Variants in THSD4 observed in about 807,000 individuals in gnomAD.
THSD4 encodes the protein thrombospondin type-1 domain-containing protein 4.
A neutral mutation model predicts 119.0 loss-of-function variants in THSD4; 69 were observed. That is an observed-to-expected ratio of 0.58 (90% CI 0.48 to 0.71). THSD4 has a LOEUF of 0.71. Among genes scored for constraint, THSD4 ranks in the 30% least tolerant of loss-of-function variants. THSD4 has a pLI of 0.00. For synonymous variants in THSD4, 524 were observed against 540.4 expected, an observed-to-expected ratio of 0.97 and a Z score of 0.42; for missense variants, 1,393 against 1,391.1, an observed-to-expected ratio of 1.00 and a Z score of -0.02.
intron 6 of THSD4, among the ~76,000 whole-genome samples, chr15:71,258,267 C>T (rs1394209075): frequency 1.3e-5 from 2 of 152,130 alleles, no homozygotes; most frequent in African/African-American, 4.8e-5. Flanking sequence ...CAACCTCTGC[C>T]TCCCAGGTTC....
At chr15:71,749,113 A>G (rs898345501) in intron 14 of THSD4, among the ~76,000 whole-genome samples, 4 of 152,240 alleles carry the variant, frequency 2.6e-5, no homozygotes, top group African/African-American at 9.6e-5. Flanking sequence ...ATCAAAGGCA[A>G]AAGGAGGATT....
intron 7 of THSD4, among the ~76,000 whole-genome samples, chr15:71,494,192 T>G (rs1212787977): frequency 6.6e-6 from 1 of 152,232 alleles, no homozygotes; most frequent in Non-Finnish European, 1.5e-5. Flanking sequence ...TATTTTTCCA[T>G]TTGCACTTAT....
At chr15:71,168,390 A>G (rs2043316533) in intron 3 of THSD4, among the ~76,000 whole-genome samples, 1 of 152,228 alleles carries the variant, frequency 6.6e-6, no homozygotes, top group Non-Finnish European at 1.5e-5. Flanking sequence ...AGCTCCACAT[A>G]TGAAAAATCA....
chr15:71,123,981 A>G (rs2040431721), intron 1 of THSD4, among the ~76,000 whole-genome samples: 1 of 151,850 alleles, frequency 6.6e-6, no homozygotes, highest in African/African-American at 2.4e-5. Context: ...CTCATAAATT[A>G]CCCACTTGGT....
At chr15:71,661,485 T>C (rs1368314717) in intron 8 of THSD4, among the ~76,000 whole-genome samples, 2 of 151,786 alleles carry the variant, frequency 1.3e-5, no homozygotes, top group Non-Finnish European at 2.9e-5. Context: ...AGCCTCCGCC[T>C]CCCAGGTTCA....
chr15:71,679,955 C>G (rs1236578942), intron 8 of THSD4, among the ~76,000 whole-genome samples: 1 of 152,116 alleles, frequency 6.6e-6, no homozygotes. Flanking sequence ...AGAGTTTTTG[C>G]GTGTGTTTTT....
intron 7 of THSD4, among the ~76,000 whole-genome samples, chr15:71,453,698 A>G (rs1191253987): frequency 6.6e-6 from 1 of 152,212 alleles, no homozygotes; most frequent in Non-Finnish European, 1.5e-5. Context: ...TTGTATCCAG[A>G]CACTGAGGGA....
At chr15:71,688,707 CTGTG>C (rs55653630) in intron 8 of THSD4, among the ~76,000 whole-genome samples, 13,305 of 133,280 alleles carry the variant, frequency 0.1, 655 homozygotes, top group South Asian at 0.19. Context: ...TTTTGTATCT[CTGTG>C]TGTGTGTGTG....
intron 12 of THSD4, among the ~76,000 whole-genome samples, chr15:71,746,615 G>A (rs1263528408): frequency 1.3e-5 from 2 of 152,092 alleles, no homozygotes; most frequent in Non-Finnish European, 2.9e-5. Context: ...GGCTGGTCTC[G>A]AACTCCTGGG....
At chr15:71,668,467 G>T (rs565580508) in intron 8 of THSD4, among the ~76,000 whole-genome samples, 4 of 152,284 alleles carry the variant, frequency 2.6e-5, no homozygotes, top group African/African-American at 9.6e-5. Context: ...CAGGTAAAAG[G>T]GAGGGGAGAA....
At chr15:71,273,808 A>G (rs780055932) in intron 6 of THSD4, among the ~76,000 whole-genome samples, 3 of 152,206 alleles carry the variant, frequency 2.0e-5, no homozygotes, top group Admixed American at 1.3e-4. Context: ...TTTGCAAGCA[A>G]CAGACACCAA....
intron 7 of THSD4, among the ~76,000 whole-genome samples, chr15:71,479,263 C>T (rs554915833): frequency 2.8e-5 from 4 of 144,396 alleles, no homozygotes; most frequent in East Asian, 4.1e-4. Context: ...TATTTTGCAC[C>T]GATTCCCATT....
At chr15:71,641,504 AT>A (rs952901982) in intron 7 of THSD4, among the ~76,000 whole-genome samples, 9 of 151,782 alleles carry the variant, frequency 5.9e-5, no homozygotes, top group Admixed American at 5.9e-4. Flanking sequence ...GCTTTAAATT[AT>A]TTTTTCCCAT....
At chr15:71,618,390 C>T (rs138400542) in intron 7 of THSD4, among the ~76,000 whole-genome samples, 4 of 152,276 alleles carry the variant, frequency 2.6e-5, no homozygotes, top group East Asian at 3.9e-4. Flanking sequence ...GCATATGTGT[C>T]GACGTGGATA....
At chr15:71,421,399 T>C (rs896106783) in intron 7 of THSD4, among the ~76,000 whole-genome samples, 9 of 152,294 alleles carry the variant, frequency 5.9e-5, no homozygotes, top group Middle Eastern at 3.4e-3. Context: ...GGTAAGTCTT[T>C]ATTTCTCCAT....
chr15:71,585,314 A>G (rs947130044), intron 7 of THSD4, among the ~76,000 whole-genome samples: 2 of 152,160 alleles, frequency 1.3e-5, no homozygotes, highest in African/African-American at 4.8e-5. Flanking sequence ...TTGTCATTGT[A>G]ATTTCTGAAG....
intron 3 of THSD4, among the ~76,000 whole-genome samples, chr15:71,209,435 A>G (rs1441958934): frequency 1.3e-5 from 2 of 152,182 alleles, no homozygotes; most frequent in Admixed American, 6.5e-5. Context: ...AGTTTGTGTT[A>G]AAGTAGTTAG....
intron 7 of THSD4, among the ~76,000 whole-genome samples, chr15:71,594,987 G>A (rs1371917521): frequency 5.3e-5 from 8 of 152,124 alleles, no homozygotes; most frequent in Non-Finnish European, 1.2e-4. Context: ...CTATCTAGGG[G>A]GTCAGTCAAT....
chr15:71,659,296 G>C (rs1483297509), intron 7 of THSD4, among the ~76,000 whole-genome samples: 3 of 152,144 alleles, frequency 2.0e-5, no homozygotes, highest in African/African-American at 4.8e-5. Context: ...AGAATTCTTT[G>C]TTCAGAACAT....
Sources: gnomAD v4.1 joint callset for allele counts (sites outside exome capture counted in the v4.1 genomes callset) on GRCh38, gnomAD v4.1.1 for gene constraint, MANE v1.5 for transcripts, NCBI Gene and HGNC (gene_info 2026-07-23, HGNC 2026-07-21) for gene names.